CATSPERB: variants seen among roughly 807,000 people sequenced by gnomAD.
The protein encoded by CATSPERB is catsper channel auxiliary subunit beta, also known as cation channel sperm-associated auxiliary subunit beta.
In CATSPERB, 93 loss-of-function variants were observed where a neutral mutation model predicts 128.3. The ratio of observed to expected loss-of-function variants is 0.72; its 90% CI spans 0.61 to 0.86. CATSPERB has a LOEUF of 0.86. Ranked by LOEUF, CATSPERB falls within the 40% of genes least tolerant of loss-of-function variation. The pLI, the probability that CATSPERB is intolerant of heterozygous loss-of-function variation, is 0.00. For missense variants in CATSPERB, 1,153 were observed against 1,329.5 expected (o/e 0.87, Z 2.06); for synonymous variants, 381 against 448.8 (o/e 0.85, Z 1.91).
chr14:91,653,838 A>T (rs1457286326), intron 15 of CATSPERB, among the ~76,000 whole-genome samples: 1 of 152,224 alleles, frequency 6.6e-6, no homozygotes, highest in Non-Finnish European at 1.5e-5. Flanking sequence ...GGAAAAGTAA[A>T]GGGAAAAATC....
At chr14:91,605,088 T>G in intron 22 of CATSPERB, 1 of 1,241,426 alleles carries the variant, frequency 8.1e-7, no homozygotes, top group Non-Finnish European at 1.2e-6. Flanking sequence ...TCTGCAGAAG[T>G]GGGTTGTTTG....
chr14:91,581,728 T>G (rs1449896982), intron 26 of CATSPERB, among the ~76,000 whole-genome samples: 1 of 152,230 alleles, frequency 6.6e-6, no homozygotes, highest in Non-Finnish European at 1.5e-5. Flanking sequence ...GTGATGTCTT[T>G]TTCTCTGAGA....
In CATSPERB at chr14:91,729,492, A is replaced by G. The variant is rs1249913771; in HGVS notation, c.1-13T>C. Reference sequence around the variant, plus strand: ...GTGGCGATTCCATCTGTTGGAATAAATAAGAATTATTTTCACTCAATTTCT... The same window carrying G: ...GTGGCGATTCCATCTGTTGGAATAAGTAAGAATTATTTTCACTCAATTTCT... On this transcript the variant is annotated splice_polypyrimidine_tract_variant and intron_variant, in intron 1 of 26. Transcript: ENST00000256343. 2.1e-6 allele frequency: 3 copies of G among 1,409,814 alleles called. No homozygotes were observed. In the East Asian group the frequency reaches 6.9e-5, roughly 32 times the overall value. The allele number at this position is 1,409,814 out of a possible 1,614,324, so 87.3% of individuals were successfully genotyped here.
chr14:91,693,545 A>AACG (rs1895507895), intron 7 of CATSPERB, 66 bp from the exon 8 acceptor site: 5 of 1,130,404 alleles, frequency 4.4e-6, no homozygotes, highest in Non-Finnish European at 6.7e-6. Context: ...TTCAGGGGCA[A>AACG]GAGCCCAGAG....
intron 15 of CATSPERB, among the ~76,000 whole-genome samples, chr14:91,647,709 C>T (rs117172180): frequency 1.8e-4 from 28 of 152,076 alleles, no homozygotes; most frequent in East Asian, 5.8e-4. Context: ...CAGAACAGCA[C>T]GGGAAAGGCC....
chr14:91,598,982 T>C (rs181548026), intron 22 of CATSPERB, among the ~76,000 whole-genome samples: 264 of 152,306 alleles, frequency 1.7e-3, no homozygotes, highest in African/African-American at 6.2e-3. Flanking sequence ...ACTTGGTTTA[T>C]AGTTTAGCTT....
At chr14:91,654,193 G>A (rs1468659067) in intron 15 of CATSPERB, among the ~76,000 whole-genome samples, 2 of 152,148 alleles carry the variant, frequency 1.3e-5, no homozygotes, top group Non-Finnish European at 2.9e-5. Flanking sequence ...ATCCACCCCT[G>A]CAGGAACATC....
intron 20 of CATSPERB, among the ~76,000 whole-genome samples, chr14:91,613,624 A>T (rs986132337): frequency 3.9e-5 from 6 of 152,144 alleles, no homozygotes; most frequent in Admixed American, 6.5e-5. Flanking sequence ...CTGCCCACTG[A>T]TTGTCAGCAC....
chr14:91,675,904 G>T (rs539186133), intron 11 of CATSPERB, among the ~76,000 whole-genome samples: 9 of 152,202 alleles, frequency 5.9e-5, no homozygotes, highest in African/African-American at 1.7e-4. Flanking sequence ...ATTCTTCTGT[G>T]GGTTATCTAA....
chr14:91,590,003 C>T (rs774821008), intron 23 of CATSPERB, among the ~76,000 whole-genome samples: 2 of 152,160 alleles, frequency 1.3e-5, no homozygotes, highest in Non-Finnish European at 2.9e-5. Flanking sequence ...ACTCTTTCAG[C>T]CAGTCAGTCT....
chr14:91,610,169 G>T (rs111442709), intron 21 of CATSPERB, among the ~76,000 whole-genome samples: 34 of 152,184 alleles, frequency 2.2e-4, no homozygotes, highest in African/African-American at 7.0e-4. Flanking sequence ...AAGGCTAATT[G>T]TATCAGCTTA....
chr14:91,712,225 A>C (rs183293433), intron 5 of CATSPERB, among the ~76,000 whole-genome samples: 2 of 152,348 alleles, frequency 1.3e-5, no homozygotes, highest in East Asian at 3.9e-4. Flanking sequence ...TAATTGTATA[A>C]ATAATGAATA....
chr14:91,585,004 CTTCTTTTTA>C (rs1383400199), intron 26 of CATSPERB, among the ~76,000 whole-genome samples: 1 of 148,962 alleles, frequency 6.7e-6, no homozygotes, highest in African/African-American at 2.4e-5. Context: ...TCTTCTTCTT[CTTCTTTTTA>C]TTTTTATTTT....
chr14:91,668,910 C>T lies in CATSPERB; in HGVS notation c.1287+904G>A, dbSNP rs867787623. Among the ~76,000 whole-genome samples, 7 of 152,270 alleles carry T rather than the reference C, an allele frequency of 4.6e-5. 1 individual carries two copies. Among genetic ancestry groups the T allele is most frequent in the Middle Eastern group, 6.8e-3 (2 of 294 alleles). On this transcript the variant is annotated intron_variant, in intron 14 of 26. Coordinates refer to ENST00000256343, the MANE Select transcript of CATSPERB (RefSeq NM_024764.4). ...AGCTGTAACACTCACCGCGAGGGTC[C>T]GCAGATTCATTCTTGAAGTCAGCGA...
At chr14:91,645,783 A>C (rs1182809178) in intron 15 of CATSPERB, among the ~76,000 whole-genome samples, 7 of 146,804 alleles carry the variant, frequency 4.8e-5, no homozygotes, top group Non-Finnish European at 7.5e-5. Context: ...AAGCCTGGGC[A>C]ATGGTGGGCG....
At chr14:91,621,035 C>T (rs1174155941) in intron 19 of CATSPERB, among the ~76,000 whole-genome samples, 2 of 152,196 alleles carry the variant, frequency 1.3e-5, no homozygotes, top group Admixed American at 1.3e-4. Context: ...GTAGCAATCT[C>T]ATTTTCCTCA....
At chr14:91,717,117 C>T (rs1337511561) in intron 5 of CATSPERB, among the ~76,000 whole-genome samples, 2 of 152,156 alleles carry the variant, frequency 1.3e-5, no homozygotes, top group Non-Finnish European at 2.9e-5. Flanking sequence ...AGAAGCCAGA[C>T]TCAAAGGCTG....
At chr14:91,593,738 G>A (rs903350249) in intron 22 of CATSPERB, among the ~76,000 whole-genome samples, 1 of 152,234 alleles carries the variant, frequency 6.6e-6, no homozygotes, top group Non-Finnish European at 1.5e-5. Context: ...CTTTAGGGAA[G>A]TGTTGGGAAG....
chr14:91,673,060 TAA>T (rs768825924), intron 12 of CATSPERB, 44 bp from the exon 13 acceptor site: 14 of 1,488,500 alleles, frequency 9.4e-6, no homozygotes, highest in Non-Finnish European at 1.3e-5. Flanking sequence ...TTTTGAAATA[TAA>T]GTTCTAATTC....
Sources: allele counts gnomAD v4.1 joint callset (sites outside exome capture counted in the v4.1 genomes callset), GRCh38; gene constraint gnomAD v4.1.1; transcripts MANE v1.5; gene names NCBI Gene and HGNC (gene_info 2026-07-23, HGNC 2026-07-21).